Variants in PBRM1 observed in about 807,000 individuals in gnomAD.
PBRM1 encodes the protein protein polybromo-1.
A neutral mutation model predicts 194.5 loss-of-function variants in PBRM1; 27 were observed. That is an observed-to-expected ratio of 0.14 (90% CI 0.10 to 0.19). PBRM1 has a LOEUF of 0.19. PBRM1 is among the 10% of genes least tolerant of loss of function. PBRM1 has a pLI of 1.00. For missense variants in PBRM1, 1,466 were observed against 2,077.2 expected (o/e 0.71, Z 5.72); for synonymous variants, 655 against 693.2 (o/e 0.94, Z 0.87).
exon 1 of PBRM1, chr3:52,679,584 G>T (rs2154065667): frequency 6.2e-7 from 1 of 1,613,252 alleles, no homozygotes; most frequent in Non-Finnish European, 8.5e-7. Flanking sequence ...AGGATCTACA[G>T]TTGGAAGATT....
exon 13 of PBRM1, chr3:52,627,299 A>G (rs774965720): frequency 6.2e-7 from 1 of 1,610,450 alleles, no homozygotes; most frequent in Non-Finnish European, 8.5e-7. Flanking sequence ...TACCAGTATC[A>G]GAGGTGGCTG....
exon 11 of PBRM1, chr3:52,634,746 A>G (rs764381947): frequency 1.2e-6 from 2 of 1,614,050 alleles, no homozygotes; most frequent in South Asian, 2.2e-5. Flanking sequence ...AAGCTGATAA[A>G]AAGGATTTGA....
chr3:52,638,513 C>G (rs1369867307), intron 10 of PBRM1, among the ~76,000 whole-genome samples: 2 of 151,964 alleles, frequency 1.3e-5, no homozygotes, highest in Non-Finnish European at 2.9e-5. Flanking sequence ...CGTGCACCAC[C>G]ATGCCTGGCT....
chr3:52,685,113 T>C (rs911225015), intron 1 of PBRM1, among the ~76,000 whole-genome samples: 1 of 152,242 alleles, frequency 6.6e-6, no homozygotes, highest in African/African-American at 2.4e-5. Flanking sequence ...AGAATTTCTA[T>C]ATCCACTATA....
intron 24 of PBRM1, among the ~76,000 whole-genome samples, chr3:52,562,537 CTTTTTTT>C (rs61349809): frequency 6.8e-4 from 74 of 108,198 alleles, no homozygotes; most frequent in African/African-American, 1.6e-3. Context: ...TGAGAAAATT[CTTTTTTT>C]TTTTTTTTTT....
chr3:52,603,060 A>G (rs945211545), intron 17 of PBRM1, among the ~76,000 whole-genome samples: 11 of 152,208 alleles, frequency 7.2e-5, no homozygotes, highest in African/African-American at 2.7e-4. Context: ...TTATAGTTTG[A>G]TACAATTAAA....
At chr3:52,641,146 G>A (rs2096063287) in intron 10 of PBRM1, among the ~76,000 whole-genome samples, 1 of 152,040 alleles carries the variant, frequency 6.6e-6, no homozygotes, top group African/African-American at 2.4e-5. Flanking sequence ...AACTGGAGAA[G>A]TCTGTTGTGT....
Position 52,550,408 on chromosome 3 carries a change from G to A in PBRM1, c.4897+13C>T. On this transcript the variant is annotated intron_variant, in intron 29 of 29. Coordinates refer to ENST00000296302, the Ensembl canonical transcript of PBRM1. ...CATGTATTTCACAAAGGCTTATTTAGAAGGAATCTTACCTGCCAGTGTCTG... is the reference window on the plus strand; with the variant it reads ...CATGTATTTCACAAAGGCTTATTTAAAAGGAATCTTACCTGCCAGTGTCTG... 7.4e-7 allele frequency: 1 copy of A among 1,342,540 alleles called. No homozygotes were observed. The highest frequency in any genetic ancestry group is 9.7e-7 in the Non-Finnish European group (1 of 1,026,552). The allele number at this position is 1,342,540 out of a possible 1,614,324, so 83.2% of individuals were successfully genotyped here. A position where few individuals can be genotyped will look rare whatever the true frequency, so the allele number is the denominator to read the frequency against.
chr3:52,592,373 C>T (rs1319240528), intron 17 of PBRM1, among the ~76,000 whole-genome samples: 1 of 152,164 alleles, frequency 6.6e-6, no homozygotes, highest in Middle Eastern at 3.4e-3. Flanking sequence ...CTCAGGTGAT[C>T]CACCCACCTT....
chr3:52,669,020 G>T (rs1330632140), intron 2 of PBRM1, among the ~76,000 whole-genome samples: 1 of 152,094 alleles, frequency 6.6e-6, no homozygotes, highest in Non-Finnish European at 1.5e-5. Context: ...TGAAAACAGA[G>T]ATATGTCTCA....
chr3:52,583,586 G>C (rs2091824018), intron 20 of PBRM1, among the ~76,000 whole-genome samples: 2 of 151,586 alleles, frequency 1.3e-5, no homozygotes, highest in South Asian at 2.1e-4. Flanking sequence ...ATCTATTTGG[G>C]CCTCTGCTCA....
rs912475208 is a variant in PBRM1, at chr3:52,603,860, G to C, written c.2568-128C>G. 3 of 829,594 alleles carry C rather than the reference G, an allele frequency of 3.6e-6. No homozygotes were observed. In the African/African-American group the frequency reaches 5.2e-5, roughly 14 times the overall value. The allele number at this position is 829,594 out of a possible 1,614,324, so 51.4% of individuals were successfully genotyped here. ...GTATTTCTGTACAGGTCTATGAAGAGTATCTTTCCGAAGTTTGTTAGAACA... is the reference window on the plus strand; with the variant it reads ...GTATTTCTGTACAGGTCTATGAAGACTATCTTTCCGAAGTTTGTTAGAACA... On this transcript the variant is annotated intron_variant, in intron 16 of 29. Transcript: ENST00000296302.
chr3:52,679,668 A>C, exon 1 of PBRM1: 1 of 1,613,910 alleles, frequency 6.2e-7, no homozygotes, highest in Non-Finnish European at 8.5e-7. Flanking sequence ...GTCCCCGCTG[A>C]CACTGCTGGA....
At chr3:52,563,309 C>T (rs762933159) in exon 24 of PBRM1, 2 of 1,613,948 alleles carry the variant, frequency 1.2e-6, no homozygotes, top group South Asian at 1.1e-5. Flanking sequence ...GGCATGAGGT[C>T]CAGCTCACTG....
downstream of PBRM1, chr3:52,546,057 T>C (rs2079639252): frequency 4.3e-6 from 1 of 233,146 alleles, no homozygotes; most frequent in Non-Finnish European, 8.5e-6. Flanking sequence ...ATGTTTCCTA[T>C]AGCACCTCTA....
At chr3:52,679,356 G>C (rs544523592) in intron 1 of PBRM1, among the ~76,000 whole-genome samples, 3 of 152,296 alleles carry the variant, frequency 2.0e-5, no homozygotes, top group Non-Finnish European at 4.4e-5. Context: ...GTTATTTGCT[G>C]AATTAATATA....
At chr3:52,563,029 A>T (rs2084052617) in intron 24 of PBRM1, among the ~76,000 whole-genome samples, 1 of 152,166 alleles carries the variant, frequency 6.6e-6, no homozygotes, top group Non-Finnish European at 1.5e-5. Flanking sequence ...CCATTAAAAT[A>T]GCTATGAAAT....
chr3:52,567,806 G>GTTTTTT (rs1163710948), intron 22 of PBRM1, among the ~76,000 whole-genome samples: 9 of 98,150 alleles, frequency 9.2e-5, no homozygotes, highest in Non-Finnish European at 1.5e-4. Flanking sequence ...TAATTTTTGT[G>GTTTTTT]TTTTTTTTTT....
chr3:52,622,719 C>T (rs2095322380), intron 13 of PBRM1, among the ~76,000 whole-genome samples: 1 of 152,170 alleles, frequency 6.6e-6, no homozygotes, highest in Non-Finnish European at 1.5e-5. Flanking sequence ...AGAAGACTTC[C>T]ACAGCCCTTC....
Sources: allele counts gnomAD v4.1 joint callset (sites outside exome capture counted in the v4.1 genomes callset), GRCh38; gene constraint gnomAD v4.1.1; transcripts MANE v1.5; gene names NCBI Gene and HGNC (gene_info 2026-07-23, HGNC 2026-07-21).